The following TMCO5A variants were observed in gnomAD, a reference collection of about 807,000 sequenced individuals.
TMCO5A encodes the protein transmembrane and coiled-coil domain-containing protein 5A.
A neutral mutation model predicts 42.3 loss-of-function variants in TMCO5A; 34 were observed. The observed-to-expected ratio is 0.80, with a 90% CI of 0.61 to 1.07. TMCO5A has a LOEUF of 1.07. Ranked by LOEUF, TMCO5A falls within the 50% of genes least tolerant of loss-of-function variation. The pLI, the probability that TMCO5A is intolerant of heterozygous loss-of-function variation, is 0.00. For missense variants in TMCO5A, 357 were observed against 327.9 expected (o/e 1.09, Z -0.69); for synonymous variants, 131 against 115.6 (o/e 1.13, Z -0.86).
downstream of TMCO5A, among the ~76,000 whole-genome samples, chr15:37,951,719 A>G (rs1890163437): frequency 6.6e-6 from 1 of 152,190 alleles, no homozygotes; most frequent in Non-Finnish European, 1.5e-5. Flanking sequence ...AGAAATCAGA[A>G]GACTCCACCA....
exon 12 of TMCO5A, chr15:37,966,675 G>A (rs776349485): frequency 2.4e-5 from 17 of 702,722 alleles, no homozygotes; most frequent in Admixed American, 6.0e-5. Flanking sequence ...TCCAGATCTC[G>A]TACTACCAGA....
rs75931132 is a variant in TMCO5A at position 37,942,108 on chromosome 15, T to C, written c.505-83T>C. On this transcript the variant is annotated intron_variant, in intron 8 of 11. Transcript: ENST00000319669. ...GGAATACCAAGCATTCATGGTATCA[T>C]GTAATAACAAGTGCTTATTATGCTT... 4,388 of 1,251,846 alleles carry C rather than the reference T, an allele frequency of 3.5e-3. 128 individuals are homozygous for C. The African/African-American group carries it at 0.056, about 16-fold the overall frequency. The allele number at this position is 1,251,846 out of a possible 1,614,324, so 77.5% of individuals were successfully genotyped here.
the TMCO5A span, among the ~76,000 whole-genome samples, chr15:38,007,935 G>C: frequency 0.023 from 2,675 of 114,184 alleles, 48 homozygotes; most frequent in South Asian, 0.038. Flanking sequence ...TCTCTCTGTT[G>C]CCCAGGCTGG....
chr15:37,998,650 CT>C, the TMCO5A span, among the ~76,000 whole-genome samples: 1 of 151,928 alleles, frequency 6.6e-6, no homozygotes, highest in East Asian at 1.9e-4. Context: ...CAGTTTTGTT[CT>C]TTTTGCCCAG....
chr15:37,965,953 T>A (rs980837574), intron 11 of TMCO5A, among the ~76,000 whole-genome samples: 5 of 152,186 alleles, frequency 3.3e-5, no homozygotes, highest in Non-Finnish European at 7.4e-5. Flanking sequence ...CTATCTACAC[T>A]TTCATGTTCA....
intron 11 of TMCO5A, among the ~76,000 whole-genome samples, chr15:37,964,283 C>T (rs1162485556): frequency 6.6e-6 from 1 of 152,102 alleles, no homozygotes; most frequent in Non-Finnish European, 1.5e-5. Flanking sequence ...TGGGTTTAGC[C>T]ACCCAGCAAA....
intron 11 of TMCO5A, among the ~76,000 whole-genome samples, chr15:37,950,677 T>C (rs188161779): frequency 1.3e-5 from 2 of 152,282 alleles, no homozygotes; most frequent in East Asian, 3.9e-4. Flanking sequence ...ATATCAAGTG[T>C]TGGAGAGGAT....
chr15:37,943,508 T>C, intron 10 of TMCO5A, 110 bp downstream of exon 10: 1 of 1,025,544 alleles, frequency 9.8e-7, no homozygotes, highest in Non-Finnish European at 1.5e-6. Context: ...ATGCGCATTT[T>C]CCAAGAACAG....
At chr15:38,001,338 T>G in the TMCO5A span, among the ~76,000 whole-genome samples, 1 of 152,064 alleles carries the variant, frequency 6.6e-6, no homozygotes, top group Admixed American at 6.6e-5. Flanking sequence ...CATTTCATTT[T>G]CATTTGCATA....
chr15:37,951,447 GA>G (rs1211420604), downstream of TMCO5A: 23 of 539,976 alleles, frequency 4.3e-5, no homozygotes, highest in African/African-American at 4.2e-4. Flanking sequence ...TGGATCGGCT[GA>G]ATAGTACTTG....
At chr15:37,948,377 A>G (rs961267292) in intron 11 of TMCO5A, among the ~76,000 whole-genome samples, 3 of 152,126 alleles carry the variant, frequency 2.0e-5, no homozygotes, top group African/African-American at 7.2e-5. Flanking sequence ...TGATTTAGAG[A>G]GAGTTCCATC....
At chr15:37,941,034 T>A in intron 6 of TMCO5A, 115 bp from the exon 7 acceptor site, 1 of 862,080 alleles carries the variant, frequency 1.2e-6, no homozygotes, top group Non-Finnish European at 1.9e-6. Flanking sequence ...TCAGGAGACG[T>A]GTGAAGTCAT....
rs1225641700 is a variant in TMCO5A, at chr15:37,939,731, CTT to C, written c.388-1415_388-1414del. Reference sequence around the variant, plus strand: ...CTAATTCTGTGAATGTACAGAATCTCTTTTGCTTCTGTTCCTCTGGCATGCTA... The same window carrying C: ...CTAATTCTGTGAATGTACAGAATCTCTTGCTTCTGTTCCTCTGGCATGCTA... On this transcript the variant is annotated intron_variant, in intron 6 of 11. Transcript: ENST00000319669. Among the ~76,000 whole-genome samples, 3 of 152,080 alleles carry C rather than the reference CTT, an allele frequency of 2.0e-5. No individual in the cohort carries two copies. In the East Asian group the frequency reaches 5.8e-4, roughly 29 times the overall value.
chr15:37,942,267 C>G lies in TMCO5A; in HGVS notation c.569+12C>G. On this transcript the variant is annotated intron_variant, in intron 9 of 11. Coordinates refer to ENST00000319669, the MANE Select transcript of TMCO5A (RefSeq NM_152453.4). ...CTTGAGAGAGAAGTGTGAGCTTTGG[C>G]AAAGGAACATCCTGGTTTTGGTAGA... 1 of 1,611,442 alleles carries G rather than the reference C, an allele frequency of 6.2e-7. No homozygotes were observed. The highest frequency in any genetic ancestry group is 2.2e-5 in the East Asian group (1 of 44,850).
chr15:37,982,791 A>G, the TMCO5A span, among the ~76,000 whole-genome samples: 8 of 146,876 alleles, frequency 5.4e-5, no homozygotes, highest in Non-Finnish European at 1.0e-4. Flanking sequence ...TATAACAGAC[A>G]TATATAATAG....
the TMCO5A span, among the ~76,000 whole-genome samples, chr15:38,002,563 G>T: frequency 6.6e-6 from 1 of 151,034 alleles, no homozygotes; most frequent in South Asian, 2.1e-4. Context: ...TGTCTTCTCT[G>T]GTTGTGTATT....
At chr15:37,993,658 G>C in the TMCO5A span, among the ~76,000 whole-genome samples, 1 of 152,086 alleles carries the variant, frequency 6.6e-6, no homozygotes, top group Non-Finnish European at 1.5e-5. Context: ...TTCAGCTTTG[G>C]GGGAGAGCCT....
At chr15:37,955,041 A>G (rs182989028), downstream of TMCO5A, among the ~76,000 whole-genome samples, 81 of 152,072 alleles carry the variant, frequency 5.3e-4, no homozygotes, top group African/African-American at 1.7e-3. Flanking sequence ...GAAGGAAGAG[A>G]AGACCACAAA....
chr15:38,009,923 A>C, the TMCO5A span, among the ~76,000 whole-genome samples: 27,036 of 152,128 alleles, frequency 0.18, 2,691 homozygotes, highest in East Asian at 0.27. Context: ...ATGCCCCCCC[A>C]AAAATTATTC....
Sources: allele counts gnomAD v4.1 joint callset (sites outside exome capture counted in the v4.1 genomes callset), GRCh38; gene constraint gnomAD v4.1.1; transcripts MANE v1.5; gene names NCBI Gene and HGNC (gene_info 2026-07-23, HGNC 2026-07-21).